The following KPNA7 variants were observed in gnomAD, a reference collection of about 807,000 sequenced individuals.
KPNA7 encodes karyopherin subunit alpha 7.
Under a neutral mutation model 53.7 loss-of-function variants are expected in KPNA7, and 54 were observed. That is an observed-to-expected ratio of 1.01 (90% CI 0.81 to 1.26). The LOEUF (loss-of-function observed/expected upper bound fraction) is 1.26, where lower values mean the gene tolerates loss of function less well. Among genes scored for constraint, KPNA7 ranks in the 50% most tolerant of loss-of-function variants. The probability of loss-of-function intolerance (pLI) is 0.00; values close to 1 mark genes in which losing one functional copy is unlikely to be tolerated. For synonymous variants in KPNA7, 276 were observed against 259.3 expected (o/e 1.06, Z -0.62); for missense variants, 640 against 644.5 (o/e 0.99, Z 0.07).
intron 2 of KPNA7, 43 bp downstream of exon 2, chr7:99,207,358 T>C: frequency 6.6e-7 from 1 of 1,521,288 alleles, no homozygotes; most frequent in South Asian, 1.2e-5. Context: ...TTATGCAGAT[T>C]GCACTGGTCC....
At chr7:99,161,118 T>C in the KPNA7 span, among the ~76,000 whole-genome samples, 1 of 152,182 alleles carries the variant, frequency 6.6e-6, no homozygotes, top group Admixed American at 6.6e-5. Context: ...CACCTCAGCC[T>C]CTCAAAGTTC....
the KPNA7 span, among the ~76,000 whole-genome samples, chr7:99,166,042 T>G: frequency 6.6e-6 from 1 of 152,262 alleles, no homozygotes; most frequent in Non-Finnish European, 1.5e-5. Flanking sequence ...GCTCTGGCCA[T>G]GTAAGACGTG....
chr7:99,150,791 G>A, the KPNA7 span, among the ~76,000 whole-genome samples: 2 of 152,116 alleles, frequency 1.3e-5, no homozygotes, highest in African/African-American at 4.8e-5. Flanking sequence ...AGTTCCTGCT[G>A]GCAAGGAGGT....
the KPNA7 span, among the ~76,000 whole-genome samples, chr7:99,151,868 C>A: frequency 6.6e-6 from 1 of 152,148 alleles, no homozygotes; most frequent in East Asian, 1.9e-4. Flanking sequence ...AGTCATGGAG[C>A]CCATCACATA....
chr7:99,186,518 G>A (rs954724209), intron 7 of KPNA7, among the ~76,000 whole-genome samples: 45 of 152,078 alleles, frequency 3.0e-4, no homozygotes, highest in African/African-American at 1.1e-3. Flanking sequence ...CGAGGCGGAT[G>A]GATCACTTGA....
chr7:99,192,876 C>T (rs1023281330), intron 6 of KPNA7, 143 bp downstream of exon 6: 2 of 558,852 alleles, frequency 3.6e-6, no homozygotes, highest in Non-Finnish European at 6.0e-6. Context: ...CGTCCATAAT[C>T]CCAGAACTTT....
At chr7:99,175,060 C>T (rs1663335369) in intron 10 of KPNA7, among the ~76,000 whole-genome samples, 2 of 151,468 alleles carry the variant, frequency 1.3e-5, no homozygotes, top group South Asian at 2.1e-4. Flanking sequence ...ATCCACCCGC[C>T]TTGGCCTCCC....
Position 99,181,891 on chromosome 7 carries a change from T to G in KPNA7, c.1309A>C (p.Ile437Leu), listed in dbSNP as rs1563070117. 1.9e-6 allele frequency: 3 copies of G among 1,544,598 alleles called. No individual in the cohort carries two copies. Among genetic ancestry groups the G allele is most frequent in the Non-Finnish European group, 2.6e-6 (3 of 1,141,660 alleles). The change falls in exon 9 of 11, where the codon ATC becomes CTC. Residue 437 changes from isoleucine to leucine, a missense_variant. Physicochemically the swap from Ile to Leu is conservative, Grantham distance 5. Transcript: ENST00000327442. The part of the protein sequence containing the change: ...VLIILDVISC[I>L]LQAAEKRSEK... Reference sequence around the variant, plus strand: ...TGTTCAGAACGGCTCACCTGGAGGATGCAAGAGATGACATCAAGGATGATG... The same window carrying G: ...TGTTCAGAACGGCTCACCTGGAGGAGGCAAGAGATGACATCAAGGATGATG...
chr7:99,216,493 G>A (rs1791219881), intron 1 of KPNA7, among the ~76,000 whole-genome samples: 1 of 152,104 alleles, frequency 6.6e-6, no homozygotes, highest in Admixed American at 6.6e-5. Context: ...CTGTGTGACA[G>A]GTACCAGAGG....
At chr7:99,180,264 G>A (rs1314147998) in intron 9 of KPNA7, among the ~76,000 whole-genome samples, 1 of 152,154 alleles carries the variant, frequency 6.6e-6, no homozygotes, top group Non-Finnish European at 1.5e-5. Flanking sequence ...CACTTTGGGA[G>A]GCTGAGGCGG....
At chr7:99,171,880 A>T (rs77330349), downstream of KPNA7, among the ~76,000 whole-genome samples, 4 of 152,216 alleles carry the variant, frequency 2.6e-5, no homozygotes, top group Non-Finnish European at 5.9e-5. Context: ...ATAGACGTGT[A>T]CCAGAGGATG....
intron 9 of KPNA7, among the ~76,000 whole-genome samples, chr7:99,180,619 C>CTCTCTGTCTCTG (rs1302864713): frequency 1.3e-5 from 1 of 76,214 alleles, no homozygotes; most frequent in Non-Finnish European, 3.0e-5. Context: ...CTCTCCCCAT[C>CTCTCTGTCTCTG]TCTCTCTCCC....
chr7:99,185,674 A>G (rs1563073556), intron 7 of KPNA7, among the ~76,000 whole-genome samples: 1 of 152,130 alleles, frequency 6.6e-6, no homozygotes, highest in Non-Finnish European at 1.5e-5. Context: ...CTGGCTTCCC[A>G]CTTGTTTGGC....
At position 99,195,460 on chromosome 7, in the gene KPNA7, G is replaced by A. The variant is rs778701826; in HGVS notation, c.285-122C>T. ...TCTCAGCACTTTGGGAGACCAAGGC[G>A]GGCAGATCACTTGAGGTCGCAAGGT... On this transcript the variant is annotated intron_variant, in intron 4 of 10. Coordinates refer to ENST00000327442, the MANE Select transcript of KPNA7 (RefSeq NM_001145715.3). 1.1e-4 allele frequency: 96 copies of A among 903,350 alleles called. 1 individual carries two copies. Among genetic ancestry groups the A allele is most frequent in the Non-Finnish European group, 7.6e-5 (46 of 604,978 alleles). 56.0% of individuals were successfully genotyped at this position (903,350 alleles called of 1,614,324 possible).
At chr7:99,153,004 C>T in the KPNA7 span, among the ~76,000 whole-genome samples, 1 of 152,122 alleles carries the variant, frequency 6.6e-6, no homozygotes, top group African/African-American at 2.4e-5. Flanking sequence ...TGTGACAAGC[C>T]ACCATGCATC....
chr7:99,158,744 T>TC, the KPNA7 span, among the ~76,000 whole-genome samples: 1 of 151,744 alleles, frequency 6.6e-6, no homozygotes, highest in African/African-American at 2.4e-5. Context: ...CTTCAAGTGA[T>TC]CCCCAACTCG....
chr7:99,191,083 T>C (rs889485827), intron 6 of KPNA7, among the ~76,000 whole-genome samples: 2 of 152,066 alleles, frequency 1.3e-5, no homozygotes, highest in Non-Finnish European at 2.9e-5. Flanking sequence ...GCATCCTGGC[T>C]TCTTGCTGTC....
intron 1 of KPNA7, among the ~76,000 whole-genome samples, chr7:99,216,958 A>G (rs1012689585): frequency 6.6e-6 from 1 of 152,092 alleles, no homozygotes; most frequent in African/African-American, 2.4e-5. Flanking sequence ...GGGGCATTTC[A>G]GGCCATTTTT....
the KPNA7 span, among the ~76,000 whole-genome samples, chr7:99,160,591 T>C: frequency 6.6e-6 from 1 of 152,180 alleles, no homozygotes; most frequent in African/African-American, 2.4e-5. Flanking sequence ...CACCCAGCCA[T>C]CATCCAGTAA....
Sources: gnomAD v4.1 joint callset for allele counts (sites outside exome capture counted in the v4.1 genomes callset) on GRCh38, gnomAD v4.1.1 for gene constraint, MANE v1.5 for transcripts, NCBI Gene and HGNC (gene_info 2026-07-23, HGNC 2026-07-21) for gene names.